Variants in HS6ST3 observed in about 807,000 individuals in gnomAD.
HS6ST3 encodes the protein heparan sulfate 6-O-sulfotransferase 3, also known as heparan-sulfate 6-O-sulfotransferase 3.
In HS6ST3, 12 loss-of-function variants were observed where a neutral mutation model predicts 36.7. The ratio of observed to expected loss-of-function variants is 0.33; its 90% CI spans 0.21 to 0.53. The LOEUF (loss-of-function observed/expected upper bound fraction) is 0.53, where lower values mean the gene tolerates loss of function less well. HS6ST3 is among the 20% of genes least tolerant of loss of function. The pLI, the probability that HS6ST3 is intolerant of heterozygous loss-of-function variation, is 0.95. For synonymous variants in HS6ST3, 240 were observed against 257.5 expected (o/e 0.93, Z 0.65); for missense variants, 584 against 640.9 (o/e 0.91, Z 0.96).
intron 1 of HS6ST3, among the ~76,000 whole-genome samples, chr13:96,653,559 A>G (rs540048460): frequency 1.3e-5 from 2 of 152,310 alleles, no homozygotes; most frequent in East Asian, 1.9e-4. Context: ...TTATGGCTGC[A>G]TAGCAATCCA....
chr13:96,774,270 TCTC>T (rs1877338789), intron 1 of HS6ST3, among the ~76,000 whole-genome samples: 1 of 152,014 alleles, frequency 6.6e-6, no homozygotes, highest in Admixed American at 6.5e-5. Flanking sequence ...AAATGCCTCT[TCTC>T]CTCCAAAGGA....
chr13:96,254,277 G>T (rs747354795), intron 1 of HS6ST3, among the ~76,000 whole-genome samples: 1 of 150,986 alleles, frequency 6.6e-6, no homozygotes, highest in African/African-American at 2.4e-5. Flanking sequence ...AGCTGGGCGT[G>T]GTGTTGCGTG....
rs1253996924 is a variant in HS6ST3, at chr13:96,117,415, A to C, written c.707+25846A>C. Among the ~76,000 whole-genome samples, 6 of 152,192 alleles carry C rather than the reference A, an allele frequency of 3.9e-5. 1 individual carries two copies. The South Asian group carries it at 6.2e-4, about 16-fold the overall frequency. Reference sequence around the variant, plus strand: ...TAATTGCACATTTAAAATAAAGAAAACCAGTTGTAATTGCGAAAGTATTTT... The same window carrying C: ...TAATTGCACATTTAAAATAAAGAAACCCAGTTGTAATTGCGAAAGTATTTT... On this transcript the variant is annotated intron_variant, in intron 1 of 1. Transcript: ENST00000376705.
intron 1 of HS6ST3, among the ~76,000 whole-genome samples, chr13:96,776,638 C>T (rs1173867409): frequency 6.6e-6 from 1 of 152,124 alleles, no homozygotes; most frequent in Non-Finnish European, 1.5e-5. Flanking sequence ...CAAGACTAAA[C>T]CAGGAAGAAG....
chr13:96,243,164 C>G (rs944950213), intron 1 of HS6ST3, among the ~76,000 whole-genome samples: 14 of 152,316 alleles, frequency 9.2e-5, no homozygotes, highest in African/African-American at 3.4e-4. Flanking sequence ...TGTGAATTTA[C>G]ACATGTAGTA....
chr13:96,425,539 A>G (rs2097216828), intron 1 of HS6ST3, among the ~76,000 whole-genome samples: 1 of 152,138 alleles, frequency 6.6e-6, no homozygotes, highest in South Asian at 2.1e-4. Context: ...TTCCTTTCTT[A>G]TTTGTAAAAA....
intron 1 of HS6ST3, among the ~76,000 whole-genome samples, chr13:96,412,088 T>C (rs1274415069): frequency 6.6e-6 from 1 of 152,120 alleles, no homozygotes; most frequent in Non-Finnish European, 1.5e-5. Flanking sequence ...CACTGCAACC[T>C]CCGCCTCCTG....
At chr13:96,301,624 G>A (rs1247486122) in intron 1 of HS6ST3, among the ~76,000 whole-genome samples, 3 of 152,108 alleles carry the variant, frequency 2.0e-5, no homozygotes, top group East Asian at 3.9e-4. Context: ...GGGTGCGGGG[G>A]CTCACGCCTG....
chr13:96,428,300 C>T (rs776760332), intron 1 of HS6ST3, among the ~76,000 whole-genome samples: 3 of 152,120 alleles, frequency 2.0e-5, no homozygotes, highest in Admixed American at 6.5e-5. Context: ...GAGCTTAGAC[C>T]GCACCACTGC....
At chr13:96,245,210 C>T (rs1015355077) in intron 1 of HS6ST3, among the ~76,000 whole-genome samples, 16 of 152,078 alleles carry the variant, frequency 1.1e-4, no homozygotes, top group Admixed American at 6.6e-4. Flanking sequence ...GTCCCTCTGT[C>T]ATCATATTGA....
intron 1 of HS6ST3, among the ~76,000 whole-genome samples, chr13:96,436,662 G>T (rs2139477799): frequency 6.6e-6 from 1 of 152,258 alleles, no homozygotes; most frequent in African/African-American, 2.4e-5. Context: ...CATATAAAAA[G>T]GATACAAGGT....
At chr13:96,269,823 T>A (rs112298546) in intron 1 of HS6ST3, among the ~76,000 whole-genome samples, 1,949 of 152,046 alleles carry the variant, frequency 0.013, 60 homozygotes, top group African/African-American at 0.044. Context: ...TAAATGTAGG[T>A]AATTGTTGGC....
chr13:96,371,417 A>G (rs373407075), intron 1 of HS6ST3, among the ~76,000 whole-genome samples: 21 of 152,330 alleles, frequency 1.4e-4, no homozygotes, highest in African/African-American at 5.1e-4. Context: ...TACCACAATC[A>G]AGCTAATCAA....
intron 1 of HS6ST3, among the ~76,000 whole-genome samples, chr13:96,725,965 G>A (rs1460746273): frequency 2.0e-5 from 3 of 152,088 alleles, no homozygotes; most frequent in Non-Finnish European, 2.9e-5. Context: ...AGCCTCCTGA[G>A]TAGCTGCGAT....
chr13:96,158,477 C>G (rs1046167889), intron 1 of HS6ST3, among the ~76,000 whole-genome samples: 3 of 151,664 alleles, frequency 2.0e-5, no homozygotes, highest in Admixed American at 6.6e-5. Flanking sequence ...ATGGTGAAAC[C>G]CTGTCTTTAT....
At chr13:96,590,949 CTT>C (rs2056379921) in intron 1 of HS6ST3, among the ~76,000 whole-genome samples, 1 of 151,926 alleles carries the variant, frequency 6.6e-6, no homozygotes. Context: ...AAGAGACTGT[CTT>C]TTCTCCAGTG....
At position 96,149,412 on chromosome 13, in the gene HS6ST3, G is replaced by A. The variant is rs545548258; in HGVS notation, c.707+57843G>A. ...TTCATTTTTCTTTATAGCCACAATA[G>A]TGTGACCTCCCATTTTCCTGTTTTG... On this transcript the variant is annotated intron_variant, in intron 1 of 1. Coordinates refer to ENST00000376705, the MANE Select transcript of HS6ST3 (RefSeq NM_153456.4). Among the ~76,000 whole-genome samples the A allele has an allele frequency of 6.6e-5, 10 of 152,130 alleles. 1 individual carries two copies. The highest frequency in any genetic ancestry group is 5.9e-4 in the Admixed American group (9 of 15,280).
chr13:96,430,490 C>T (rs538438064), intron 1 of HS6ST3, among the ~76,000 whole-genome samples: 1 of 152,272 alleles, frequency 6.6e-6, no homozygotes, highest in East Asian at 1.9e-4. Flanking sequence ...GAGCTGACCT[C>T]GAGCTCTCCT....
chr13:96,509,568 C>G, intron 1 of HS6ST3, among the ~76,000 whole-genome samples: 1 of 152,118 alleles, frequency 6.6e-6, no homozygotes, highest in East Asian at 1.9e-4. Flanking sequence ...CATGTTGCTT[C>G]CAATTATCCC....
Sources: gnomAD v4.1 joint callset for allele counts (sites outside exome capture counted in the v4.1 genomes callset) on GRCh38, gnomAD v4.1.1 for gene constraint, MANE v1.5 for transcripts, NCBI Gene and HGNC (gene_info 2026-07-23, HGNC 2026-07-21) for gene names.